CTNNA1: variants seen among roughly 807,000 people sequenced by gnomAD.
CTNNA1 encodes catenin alpha 1.
CTNNA1 carries 37 observed loss-of-function variants against 98.4 expected under a neutral mutation model. The observed-to-expected ratio is 0.38, with a 90% CI of 0.29 to 0.49. The LOEUF (loss-of-function observed/expected upper bound fraction) is 0.49, where lower values mean the gene tolerates loss of function less well. Among genes scored for constraint, CTNNA1 ranks in the 20% least tolerant of loss-of-function variants. The pLI, the probability that CTNNA1 is intolerant of heterozygous loss-of-function variation, is 0.95. For missense variants in CTNNA1, 761 were observed against 1,147.2 expected, an observed-to-expected ratio of 0.66 and a Z score of 4.86; for synonymous variants, 404 against 413.2, an observed-to-expected ratio of 0.98 and a Z score of 0.27.
intron 7 of CTNNA1, among the ~76,000 whole-genome samples, chr5:138,854,002 A>C (rs140642570): frequency 3.9e-5 from 6 of 152,332 alleles, no homozygotes; most frequent in South Asian, 2.1e-4. Context: ...ATGGAAGAAG[A>C]AGCCCAATCA....
intron 6 of CTNNA1, among the ~76,000 whole-genome samples, chr5:138,825,683 C>A (rs1358038280): frequency 1.3e-5 from 2 of 151,556 alleles, no homozygotes; most frequent in African/African-American, 4.8e-5. Context: ...CCTTTTCTTT[C>A]TTTTGCCACT....
chr5:138,886,981 C>T (rs1252463049), intron 8 of CTNNA1, among the ~76,000 whole-genome samples: 1 of 152,032 alleles, frequency 6.6e-6, no homozygotes, highest in African/African-American at 2.4e-5. Context: ...TAAAATATAT[C>T]TTTATTCAAT....
chr5:138,845,240 G>A (rs1230320138), intron 7 of CTNNA1, among the ~76,000 whole-genome samples: 1 of 152,102 alleles, frequency 6.6e-6, no homozygotes, highest in Non-Finnish European at 1.5e-5. Flanking sequence ...AAAACTATTC[G>A]GTTTAGCCTC....
rs560336198 is a variant in CTNNA1, at chr5:138,844,811, C to T, written c.1062+17093C>T. 2.6e-5 allele frequency among the ~76,000 whole-genome samples: 4 copies of T among 152,206 alleles called. No individual in the cohort carries two copies. In the East Asian group the frequency reaches 7.7e-4, roughly 29 times the overall value. On this transcript the variant is annotated intron_variant, in intron 7 of 17. Coordinates refer to ENST00000302763, the MANE Select transcript of CTNNA1 (RefSeq NM_001903.5). ...GATATACAAAGAAAGAAAAGATTGG[C>T]ATTCATTGGCTCTGGGGAGTGGGCT... is the stretch of plus-strand genomic sequence containing the variant.
chr5:138,862,489 G>C (rs1233746844), intron 7 of CTNNA1, among the ~76,000 whole-genome samples: 2 of 152,102 alleles, frequency 1.3e-5, no homozygotes, highest in African/African-American at 2.4e-5. Flanking sequence ...TTATGATAAT[G>C]GATAGTACTT....
intron 7 of CTNNA1, among the ~76,000 whole-genome samples, chr5:138,848,460 A>G (rs1052008110): frequency 1.3e-5 from 2 of 151,904 alleles, no homozygotes; most frequent in African/African-American, 4.8e-5. Context: ...TGCATTTATC[A>G]TTCTCCTCCA....
In CTNNA1 at chr5:138,927,938, A is replaced by G. The variant is rs368130223; in HGVS notation, c.1900-1308A>G. 1.1e-4 allele frequency among the ~76,000 whole-genome samples: 16 copies of G among 152,210 alleles called. No homozygotes were observed. The East Asian group carries it at 2.7e-3, about 26-fold the overall frequency. On this transcript the variant is annotated intron_variant, in intron 13 of 17. Transcript: ENST00000302763. ...CATTGTGTTTTGTGCCACCGAGTCC[A>G]TCGGCCTCCAGGACCTCACACCGAC...
chr5:138,862,871 T>C (rs1764414496), intron 7 of CTNNA1, among the ~76,000 whole-genome samples: 1 of 152,252 alleles, frequency 6.6e-6, no homozygotes, highest in Admixed American at 6.5e-5. Context: ...ATGTCTTTAA[T>C]GTGATTACAT....
intron 7 of CTNNA1, among the ~76,000 whole-genome samples, chr5:138,837,153 T>C (rs575641773): frequency 6.6e-6 from 1 of 152,320 alleles, no homozygotes; most frequent in East Asian, 1.9e-4. Context: ...AATTATAGTA[T>C]ACATTTCTAT....
intron 9 of CTNNA1, chr5:138,891,182 G>C (rs1289068862): frequency 6.6e-6 from 1 of 152,192 alleles, no homozygotes; most frequent in Non-Finnish European, 1.5e-5. Flanking sequence ...CTTCTCCGCA[G>C]GGAATCTGAT....
At chr5:138,807,787 G>T (rs1758250934) in intron 3 of CTNNA1, among the ~76,000 whole-genome samples, 1 of 152,020 alleles carries the variant, frequency 6.6e-6, no homozygotes, top group Non-Finnish European at 1.5e-5. Context: ...CACTCTTGTT[G>T]CTCAGGCTGG....
At chr5:138,861,043 G>A (rs949003542) in intron 7 of CTNNA1, among the ~76,000 whole-genome samples, 1 of 151,822 alleles carries the variant, frequency 6.6e-6, no homozygotes, top group African/African-American at 2.4e-5. Context: ...TTTTGGAGAC[G>A]GAGTCTCACT....
intron 7 of CTNNA1, among the ~76,000 whole-genome samples, chr5:138,831,891 T>C (rs1364933379): frequency 6.6e-6 from 1 of 152,198 alleles, no homozygotes; most frequent in Non-Finnish European, 1.5e-5. Flanking sequence ...ATGAATAATT[T>C]TGGATTTTCA....
In CTNNA1 at chr5:138,932,453, A is replaced by G. The variant is rs1765574069; in HGVS notation, c.2299-125A>G. 3 of 1,472,578 alleles carry G rather than the reference A, an allele frequency of 2.0e-6. No individual in the cohort carries two copies. In the African/African-American group the frequency reaches 4.2e-5, roughly 21 times the overall value. The allele number at this position is 1,472,578 out of a possible 1,614,324, so 91.2% of individuals were successfully genotyped here. A position where few individuals can be genotyped will look rare whatever the true frequency, so the allele number is the denominator to read the frequency against. Reference sequence around the variant, plus strand: ...TGTGACTGCCTCAGGTAATTGGGTGATTTTGCTCCAGCAAGAGGAGAGGAA... The same window carrying G: ...TGTGACTGCCTCAGGTAATTGGGTGGTTTTGCTCCAGCAAGAGGAGAGGAA... On this transcript the variant is annotated intron_variant, in intron 16 of 17. Coordinates refer to ENST00000302763, the MANE Select transcript of CTNNA1 (RefSeq NM_001903.5).
intron 9 of CTNNA1, among the ~76,000 whole-genome samples, chr5:138,894,274 T>C (rs1373630028): frequency 1.5e-5 from 2 of 129,252 alleles, no homozygotes; most frequent in Non-Finnish European, 3.3e-5. Flanking sequence ...CCTTTACTTT[T>C]CTTTCTCTTT....
At chr5:138,765,977 T>C (rs1371880078) in intron 1 of CTNNA1, among the ~76,000 whole-genome samples, 1 of 146,542 alleles carries the variant, frequency 6.8e-6, no homozygotes, top group Non-Finnish European at 1.5e-5. Context: ...AAAAAGGCAG[T>C]TTATACCCAC....
chr5:138,873,908 G>A lies in CTNNA1; in HGVS notation c.1063-12304G>A, dbSNP rs775725892. On this transcript the variant is annotated intron_variant, in intron 7 of 17. Coordinates refer to ENST00000302763, the MANE Select transcript of CTNNA1 (RefSeq NM_001903.5). This position sits in a 1 kb window ranked among gnomAD's most constrained non-coding sequence, Gnocchi z 6.1. Reference sequence around the variant, plus strand: ...TAGGAAATGAGCAAAATTAATCTTCGTCAGCTGGTTGTGCTCTAGGTGAAG... The same window carrying A: ...TAGGAAATGAGCAAAATTAATCTTCATCAGCTGGTTGTGCTCTAGGTGAAG... The A allele has an allele frequency of 2.5e-6, 4 of 1,613,840 alleles. No individual in the cohort carries two copies. Among genetic ancestry groups the A allele is most frequent in the African/African-American group, 1.3e-5 (1 of 74,902 alleles).
In CTNNA1 at chr5:138,929,879, C is replaced by T. The variant is rs1219285867; in HGVS notation, c.2010+523C>T. On this transcript the variant is annotated intron_variant, in intron 14 of 17. Transcript: ENST00000302763. Reference sequence around the variant, plus strand: ...TTGATTTCACTCCTTGGAAATCTGTCGTGAACAGCGAGCACATCCCTGCCT... The same window carrying T: ...TTGATTTCACTCCTTGGAAATCTGTTGTGAACAGCGAGCACATCCCTGCCT... Among the ~76,000 whole-genome samples the T allele has an allele frequency of 3.3e-5, 5 of 152,216 alleles. No individual in the cohort carries two copies. In the East Asian group the frequency reaches 5.8e-4, roughly 18 times the overall value.
chr5:138,830,772 A>T (rs1170259322), intron 7 of CTNNA1, among the ~76,000 whole-genome samples: 1 of 152,190 alleles, frequency 6.6e-6, no homozygotes, highest in East Asian at 1.9e-4. Flanking sequence ...TGAGGCTCTG[A>T]TCCCTCCCTT....
Sources: allele counts gnomAD v4.1 joint callset (sites outside exome capture counted in the v4.1 genomes callset), GRCh38; gene constraint gnomAD v4.1.1; non-coding constraint Gnocchi (gnomAD v3.1); transcripts MANE v1.5; gene names NCBI Gene and HGNC (gene_info 2026-07-23, HGNC 2026-07-21).